Variants in MSRA observed in about 807,000 individuals in gnomAD.
MSRA encodes methionine sulfoxide reductase A.
MSRA carries 54 observed loss-of-function variants against 31.3 expected under a neutral mutation model. That is an observed-to-expected ratio of 1.73 (90% CI 1.39 to 2.17). MSRA has a LOEUF of 2.17. MSRA is among the 30% of genes most tolerant of loss of function. The pLI, the probability that MSRA is intolerant of heterozygous loss-of-function variation, is 0.00. For missense variants in MSRA, 507 were observed against 300.9 expected (o/e 1.69, Z -5.07); for synonymous variants, 169 against 116.5 (o/e 1.45, Z -2.90).
At chr8:10,061,718 A>G (rs17738724) in intron 1 of MSRA, among the ~76,000 whole-genome samples, 16,355 of 152,214 alleles carry the variant, frequency 0.11, 978 homozygotes, top group African/African-American at 0.14. Flanking sequence ...CATGATACAG[A>G]GAAGTTAACA....
chr8:10,376,583 C>G (rs953927968), intron 5 of MSRA, among the ~76,000 whole-genome samples: 6 of 152,178 alleles, frequency 3.9e-5, no homozygotes, highest in African/African-American at 1.4e-4. Flanking sequence ...AGGTAAAGCT[C>G]TTAGAATACT....
Position 10,380,682 on chromosome 8 carries a change from G to A in MSRA, c.544-47466G>A, listed in dbSNP as rs1359516368. ...CAGTAGTATGCTTGGCGCACAATAA[G>A]TATTTAATACATTATTTTTGAATGG... is the stretch of plus-strand genomic sequence containing the variant. On this transcript the variant is annotated intron_variant, in intron 5 of 5. Coordinates refer to ENST00000317173, the MANE Select transcript of MSRA (RefSeq NM_012331.5). Among the ~76,000 whole-genome samples the A allele has an allele frequency of 3.1e-4, 47 of 152,154 alleles. 1 individual carries two copies. Among genetic ancestry groups the A allele is most frequent in the Admixed American group, 3.1e-3 (47 of 15,276 alleles).
intron 1 of MSRA, among the ~76,000 whole-genome samples, chr8:10,154,063 T>C (rs935384037): frequency 6.6e-6 from 1 of 152,166 alleles, no homozygotes; most frequent in Non-Finnish European, 1.5e-5. Flanking sequence ...TAGATAGCAG[T>C]GGAGAAGAGG....
chr8:10,254,653 G>C (rs1270319761), intron 3 of MSRA, among the ~76,000 whole-genome samples: 1 of 152,218 alleles, frequency 6.6e-6, no homozygotes, highest in South Asian at 2.1e-4. Flanking sequence ...CAGTTAGTCA[G>C]TGTGCCACCT....
In MSRA at chr8:10,183,487, A is replaced by G. The variant is rs193062535; in HGVS notation, c.143-24346A>G. 2.2e-4 allele frequency among the ~76,000 whole-genome samples: 33 copies of G among 152,328 alleles called. No homozygotes were observed. In the South Asian group the frequency reaches 6.2e-3, roughly 29 times the overall value. On this transcript the variant is annotated intron_variant, in intron 1 of 5. Transcript: ENST00000317173. ...AGGTCATAACAGTGCTTGGAAGGCCATTGAAGCTACAGTCAGGGGCAGACC... is the reference window on the plus strand; with the variant it reads ...AGGTCATAACAGTGCTTGGAAGGCCGTTGAAGCTACAGTCAGGGGCAGACC...
At chr8:10,175,340 GTCTTATC>G (rs1805954818) in intron 1 of MSRA, among the ~76,000 whole-genome samples, 1 of 152,032 alleles carries the variant, frequency 6.6e-6, no homozygotes, top group African/African-American at 2.4e-5. Flanking sequence ...AAGTATATTG[GTCTTATC>G]TCCGCAATTG....
At chr8:10,217,320 C>T (rs1051175268) in intron 2 of MSRA, among the ~76,000 whole-genome samples, 8 of 152,212 alleles carry the variant, frequency 5.3e-5, no homozygotes, top group Admixed American at 3.3e-4. Context: ...CCACACTGCT[C>T]TTCTCTTTGG....
chr8:10,337,561 C>A, intron 5 of MSRA: 1 of 621,464 alleles, frequency 1.6e-6, no homozygotes, highest in African/African-American at 1.8e-5. Flanking sequence ...TGATATACAT[C>A]AATCCATGTT....
intron 4 of MSRA, among the ~76,000 whole-genome samples, chr8:10,314,490 A>T (rs1801606310): frequency 6.6e-6 from 1 of 152,234 alleles, no homozygotes; most frequent in Non-Finnish European, 1.5e-5. Context: ...TGAAAATCTG[A>T]CATTAGCAGA....
intron 5 of MSRA, among the ~76,000 whole-genome samples, chr8:10,322,558 G>A (rs372771424): frequency 1.3e-5 from 2 of 152,268 alleles, no homozygotes; most frequent in East Asian, 3.9e-4. Context: ...AAAGTGCAGA[G>A]TCTAAGGTGC....
chr8:10,386,606 A>C (rs1251210401), intron 5 of MSRA, among the ~76,000 whole-genome samples: 1 of 152,094 alleles, frequency 6.6e-6, no homozygotes, highest in Non-Finnish European at 1.5e-5. Context: ...CCAAGACACA[A>C]TTGTTGGGCC....
chr8:10,188,684 C>T (rs1442879082), intron 1 of MSRA, among the ~76,000 whole-genome samples: 1 of 152,184 alleles, frequency 6.6e-6, no homozygotes, highest in African/African-American at 2.4e-5. Flanking sequence ...ATTGAATTAT[C>T]TCAGCACCCT....
chr8:10,210,326 C>G (rs1438507433), intron 2 of MSRA, among the ~76,000 whole-genome samples: 1 of 152,188 alleles, frequency 6.6e-6, no homozygotes, highest in Non-Finnish European at 1.5e-5. Flanking sequence ...AATCTATGTT[C>G]TTGTTGTGAT....
At chr8:10,298,601 TG>T (rs1283541023) in intron 3 of MSRA, among the ~76,000 whole-genome samples, 4 of 148,186 alleles carry the variant, frequency 2.7e-5, no homozygotes, top group Non-Finnish European at 5.9e-5. Context: ...GTAAATTTTA[TG>T]TTATGTTCAT....
At chr8:10,147,881 G>A (rs960481357) in intron 1 of MSRA, among the ~76,000 whole-genome samples, 9 of 152,266 alleles carry the variant, frequency 5.9e-5, no homozygotes, top group African/African-American at 9.6e-5. Context: ...CAGAGACCCC[G>A]GACCACAACA....
At position 10,301,557 on chromosome 8, in the gene MSRA, G is replaced by T; in HGVS notation, c.355G>T (p.Val119Phe). The change falls in exon 4 of 6, where the codon GTC (valine) becomes TTC (phenylalanine). Residue 119 changes from valine to phenylalanine, a missense_variant. Val to Phe is a conservative substitution (Grantham distance 50). Coordinates refer to ENST00000317173, the MANE Select transcript of MSRA (RefSeq NM_012331.5). ...CSEKTGHAEV[V>F]RVVYQPEHMS... ...AGAAAAAACTGGCCATGCAGAAGTC[G>T]TCCGAGTGGTGTACCAGCCAGAACA... 1 of 1,613,786 alleles carries T rather than the reference G, an allele frequency of 6.2e-7. No homozygotes were observed. Among genetic ancestry groups the T allele is most frequent in the Non-Finnish European group, 8.5e-7 (1 of 1,179,956 alleles).
At chr8:10,224,141 G>T (rs1169406636) in intron 2 of MSRA, among the ~76,000 whole-genome samples, 1 of 152,142 alleles carries the variant, frequency 6.6e-6, no homozygotes, top group African/African-American at 2.4e-5. Flanking sequence ...TCATAGCTAG[G>T]CCCTTAACAG....
At chr8:10,079,210 G>T (rs946174996) in intron 1 of MSRA, among the ~76,000 whole-genome samples, 2 of 152,092 alleles carry the variant, frequency 1.3e-5, no homozygotes, top group Non-Finnish European at 2.9e-5. Flanking sequence ...CCAGGCTGGA[G>T]TGCAGTGGCA....
At chr8:10,231,510 G>A (rs2952253) in intron 2 of MSRA, among the ~76,000 whole-genome samples, 1 of 152,206 alleles carries the variant, frequency 6.6e-6, no homozygotes, top group Non-Finnish European at 1.5e-5. Context: ...TCTTTTTTAA[G>A]CTTTCTCAGG....
Sources: gnomAD v4.1 joint callset for allele counts (sites outside exome capture counted in the v4.1 genomes callset) on GRCh38, gnomAD v4.1.1 for gene constraint, MANE v1.5 for transcripts, NCBI Gene and HGNC (gene_info 2026-07-23, HGNC 2026-07-21) for gene names.